The following SLC9A9 variants were observed in gnomAD, a reference collection of about 807,000 sequenced individuals.
SLC9A9 encodes sodium/hydrogen exchanger 9.
A neutral mutation model predicts 77.8 loss-of-function variants in SLC9A9; 62 were observed. The observed-to-expected ratio is 0.80, with a 90% CI of 0.65 to 0.98. The LOEUF (loss-of-function observed/expected upper bound fraction) is 0.98. Among genes scored for constraint, SLC9A9 ranks in the 50% least tolerant of loss-of-function variants. The probability of loss-of-function intolerance (pLI) is 0.00; values close to 1 mark genes in which losing one functional copy is unlikely to be tolerated. For synonymous variants in SLC9A9, 320 were observed against 283.5 expected (o/e 1.13, Z -1.29); for missense variants, 775 against 774.9 (o/e 1.00, Z 0.00).
At chr3:143,354,086 C>T (rs2032529558) in intron 14 of SLC9A9, among the ~76,000 whole-genome samples, 1 of 152,198 alleles carries the variant, frequency 6.6e-6, no homozygotes, top group Non-Finnish European at 1.5e-5. Context: ...TTTCTCTCTC[C>T]TGTAATTCTG....
At chr3:143,624,816 A>G (rs1425470041) in intron 6 of SLC9A9, among the ~76,000 whole-genome samples, 1 of 152,070 alleles carries the variant, frequency 6.6e-6, no homozygotes, top group African/African-American at 2.4e-5. Flanking sequence ...GGAAGAGGAA[A>G]TCAAATTGTC....
rs190962043 is a variant in SLC9A9, at chr3:143,279,208, T to G, written c.1605-10228A>C. On this transcript the variant is annotated intron_variant, in intron 14 of 15. Transcript: ENST00000316549. Reference sequence around the variant, plus strand: ...GGAAAAATATTGCCAAGTTTTTCCCTGAAGGTTTGCTTCTCTTCTCAGAGC... The same window carrying G: ...GGAAAAATATTGCCAAGTTTTTCCCGGAAGGTTTGCTTCTCTTCTCAGAGC... 5.4e-3 allele frequency among the ~76,000 whole-genome samples: 826 copies of G among 152,318 alleles called. 5 individuals are homozygous for G. Among genetic ancestry groups the G allele is most frequent in the Non-Finnish European group, 8.9e-3 (606 of 68,020 alleles).
chr3:143,327,224 T>G (rs2108450960), intron 14 of SLC9A9, among the ~76,000 whole-genome samples: 1 of 152,104 alleles, frequency 6.6e-6, no homozygotes, highest in East Asian at 1.9e-4. Flanking sequence ...AGGCTACACT[T>G]CCTCTCTTAA....
intron 4 of SLC9A9, among the ~76,000 whole-genome samples, chr3:143,792,264 T>C (rs1043921160): frequency 6.6e-6 from 1 of 152,220 alleles, no homozygotes; most frequent in African/African-American, 2.4e-5. Context: ...TATAGTTTGA[T>C]TGTATCTCAT....
At chr3:143,423,249 A>ACACG (rs1491194433) in intron 12 of SLC9A9, among the ~76,000 whole-genome samples, 1 of 3,188 alleles carries the variant, frequency 3.1e-4, no homozygotes, top group African/African-American at 9.4e-4. Flanking sequence ...ACGCGCGTGT[A>ACACG]CACACACACA....
chr3:143,536,284 A>G (rs1349362916), intron 9 of SLC9A9, among the ~76,000 whole-genome samples: 1 of 151,818 alleles, frequency 6.6e-6, no homozygotes, highest in Non-Finnish European at 1.5e-5. Context: ...CCATTTTCCC[A>G]CCCATGTTTA....
intron 4 of SLC9A9, among the ~76,000 whole-genome samples, chr3:143,706,264 C>A (rs1342496249): frequency 6.6e-6 from 1 of 152,186 alleles, no homozygotes; most frequent in Non-Finnish European, 1.5e-5. Flanking sequence ...CTACCCATTA[C>A]AGAGATCGAT....
intron 4 of SLC9A9, among the ~76,000 whole-genome samples, chr3:143,778,858 G>A (rs1447883289): frequency 1.3e-5 from 2 of 152,106 alleles, no homozygotes; most frequent in African/African-American, 2.4e-5. Context: ...GTATAATTTG[G>A]GCTGCAATTG....
chr3:143,475,049 C>T (rs2035449883), intron 11 of SLC9A9, among the ~76,000 whole-genome samples: 1 of 151,906 alleles, frequency 6.6e-6, no homozygotes, highest in Admixed American at 6.6e-5. Flanking sequence ...ACCTCCGCCT[C>T]CTGGGTTCAA....
At chr3:143,809,860 T>G (rs910635030) in intron 2 of SLC9A9, among the ~76,000 whole-genome samples, 2 of 152,244 alleles carry the variant, frequency 1.3e-5, no homozygotes, top group African/African-American at 4.8e-5. Context: ...AGGGACTGAA[T>G]TTTTAATTTT....
chr3:143,406,972 T>A (rs2033993902), intron 12 of SLC9A9, among the ~76,000 whole-genome samples: 1 of 107,318 alleles, frequency 9.3e-6, no homozygotes, highest in Admixed American at 1.3e-4. Flanking sequence ...TGAAACTCCA[T>A]CTCGAGAAAA....
chr3:143,720,669 T>A (rs972648524), intron 4 of SLC9A9, among the ~76,000 whole-genome samples: 3 of 152,144 alleles, frequency 2.0e-5, no homozygotes, highest in Non-Finnish European at 2.9e-5. Context: ...CTCTCCACCT[T>A]CTGTTACTTC....
At chr3:143,700,006 G>A (rs1933751699) in intron 4 of SLC9A9, among the ~76,000 whole-genome samples, 1 of 151,890 alleles carries the variant, frequency 6.6e-6, no homozygotes, top group African/African-American at 2.4e-5. Context: ...AGCCACAGTA[G>A]GATAGGGCAC....
At chr3:143,409,491 A>G (rs1409045225) in intron 12 of SLC9A9, among the ~76,000 whole-genome samples, 1 of 152,244 alleles carries the variant, frequency 6.6e-6, no homozygotes, top group Non-Finnish European at 1.5e-5. Context: ...CCAGTATTCA[A>G]TGTTTCCATT....
At chr3:143,438,534 A>G (rs980773930) in intron 12 of SLC9A9, among the ~76,000 whole-genome samples, 2 of 152,142 alleles carry the variant, frequency 1.3e-5, no homozygotes. Flanking sequence ...GTCATTCCCA[A>G]ACCTGTGCCT....
intron 9 of SLC9A9, among the ~76,000 whole-genome samples, chr3:143,530,087 G>T (rs1372173010): frequency 1.3e-5 from 2 of 152,180 alleles, no homozygotes; most frequent in Non-Finnish European, 2.9e-5. Flanking sequence ...GCACTGTACT[G>T]AGGGAAGGGA....
chr3:143,597,163 C>T (rs904749091), intron 6 of SLC9A9, among the ~76,000 whole-genome samples: 1 of 152,158 alleles, frequency 6.6e-6, no homozygotes, highest in Non-Finnish European at 1.5e-5. Context: ...AAGTTTGGTG[C>T]GCAGGCACAC....
intron 8 of SLC9A9, among the ~76,000 whole-genome samples, chr3:143,560,972 G>C (rs1462571129): frequency 6.6e-6 from 1 of 152,220 alleles, no homozygotes; most frequent in Non-Finnish European, 1.5e-5. Context: ...CCTGAGGTCA[G>C]GAGTTCGAGA....
chr3:143,614,341 A>G (rs901073466), intron 6 of SLC9A9, among the ~76,000 whole-genome samples: 4 of 152,118 alleles, frequency 2.6e-5, no homozygotes, highest in African/African-American at 9.7e-5. Flanking sequence ...TCATTTGGCA[A>G]GCTGTATATT....
Sources: gnomAD v4.1 joint callset for allele counts (sites outside exome capture counted in the v4.1 genomes callset) on GRCh38, gnomAD v4.1.1 for gene constraint, MANE v1.5 for transcripts, NCBI Gene and HGNC (gene_info 2026-07-23, HGNC 2026-07-21) for gene names.